The following EPS8 variants were observed in gnomAD, a reference collection of about 807,000 sequenced individuals.
The protein encoded by EPS8 is EGFR pathway substrate 8, signaling adaptor.
In EPS8, 42 loss-of-function variants were observed where a neutral mutation model predicts 103.8. The ratio of observed to expected loss-of-function variants is 0.40; its 90% CI spans 0.32 to 0.52. The LOEUF (loss-of-function observed/expected upper bound fraction) is 0.52, where lower values mean the gene tolerates loss of function less well. Among genes scored for constraint, EPS8 ranks in the 20% least tolerant of loss-of-function variants. The pLI is 0.40. For synonymous variants in EPS8, 344 were observed against 344.6 expected, an observed-to-expected ratio of 1.00 and a Z score of 0.02; for missense variants, 969 against 1,005.1, an observed-to-expected ratio of 0.96 and a Z score of 0.49.
At chr12:15,686,644 A>C (rs974859491) in intron 1 of EPS8, among the ~76,000 whole-genome samples, 36 of 152,324 alleles carry the variant, frequency 2.4e-4, no homozygotes, top group Non-Finnish European at 4.4e-4. Flanking sequence ...GACTAAGAAG[A>C]AATAAACAAG....
chr12:15,656,744 A>G (rs192453526), intron 12 of EPS8, among the ~76,000 whole-genome samples: 2 of 152,222 alleles, frequency 1.3e-5, no homozygotes, highest in East Asian at 3.9e-4. Context: ...ATACAACTCA[A>G]TTTTGATATG....
In EPS8 at chr12:15,748,130, C is replaced by T. The variant is rs1242183438; in HGVS notation, c.-22+41031G>A. ...CCAAGCCCCGCAACTTAATAACCCACAGTCAAATCTCAGAGCCTCTTATCC... is the reference window on the plus strand; with the variant it reads ...CCAAGCCCCGCAACTTAATAACCCATAGTCAAATCTCAGAGCCTCTTATCC... On this transcript the variant is annotated intron_variant, in intron 1 of 20. Coordinates refer to ENST00000281172, the MANE Select transcript of EPS8 (RefSeq NM_004447.6). The surrounding 1 kb of genome is among the most constrained non-coding windows in gnomAD (Gnocchi z 4.8). Among the ~76,000 whole-genome samples the T allele has an allele frequency of 1.3e-5, 2 of 152,152 alleles. No individual in the cohort carries two copies. Among genetic ancestry groups the T allele is most frequent in the Admixed American group, 6.5e-5 (1 of 15,272 alleles).
rs1044579645 is a variant in EPS8, at chr12:15,759,343, C to T, written c.-22+29818G>A. On this transcript the variant is annotated intron_variant, in intron 1 of 20. Transcript: ENST00000281172. This position sits in a 1 kb window ranked among gnomAD's most constrained non-coding sequence, Gnocchi z 4.9. ...TGAAGGCAACAATTAGCTATACTTC[C>T]ATAATTTTGATCTGATTCAACACAA... Among the ~76,000 whole-genome samples, 31 of 152,006 alleles carry T rather than the reference C, an allele frequency of 2.0e-4. No individual in the cohort carries two copies. Among genetic ancestry groups the T allele is most frequent in the Non-Finnish European group, 4.4e-4 (30 of 67,930 alleles).
chr12:15,725,091 T>C lies in EPS8; in HGVS notation c.-21-42119A>G, dbSNP rs996910899. Among the ~76,000 whole-genome samples, 1 of 152,128 alleles carries C rather than the reference T, an allele frequency of 6.6e-6. No homozygotes were observed. The highest frequency in any genetic ancestry group is 1.5e-5 in the Non-Finnish European group (1 of 68,018). ...TGTTAGGAAAAAAAAAAATCCACTT[T>C]CTTTTTCAAGGTAAATGTCATTCTG... On this transcript the variant is annotated intron_variant, in intron 1 of 20. Coordinates refer to ENST00000281172, the MANE Select transcript of EPS8 (RefSeq NM_004447.6). This position sits in a 1 kb window ranked among gnomAD's most constrained non-coding sequence, Gnocchi z 4.5.
At chr12:15,642,193 T>C (rs1452201666) in intron 15 of EPS8, among the ~76,000 whole-genome samples, 1 of 152,092 alleles carries the variant, frequency 6.6e-6, no homozygotes, top group Non-Finnish European at 1.5e-5. Context: ...GTATTTTTCA[T>C]AAAGTTAAAG....
intron 1 of EPS8, among the ~76,000 whole-genome samples, chr12:15,703,674 C>A (rs192978799): frequency 6.2e-4 from 94 of 151,176 alleles, no homozygotes; most frequent in Non-Finnish European, 1.2e-3. Context: ...TAAGGAGTAA[C>A]AATCATATTA....
chr12:15,766,257 C>T (rs1947094982), intron 1 of EPS8, among the ~76,000 whole-genome samples: 2 of 151,352 alleles, frequency 1.3e-5, no homozygotes, highest in Middle Eastern at 3.5e-3. Context: ...GCGGGTGGAT[C>T]ACCTGAGGTC....
rs1386269926 is a variant in EPS8, at chr12:15,640,720, A to G, written c.1804T>C (p.Tyr602His). The change falls in exon 17 of 21, where the codon TAT (tyrosine) becomes CAT (histidine). Residue 602 changes from tyrosine to histidine, a missense_variant. Coordinates refer to ENST00000281172, the MANE Select transcript of EPS8 (RefSeq NM_004447.6). ...ESGLGRADPP[Y>H]THTIQKQRME... is the part of the protein sequence containing the mutation. ...ATGCTCACCTGTATAGTATGAGTAT[A>G]AGGTGGATCAGCACGCCCCAATCCA... The G allele has an allele frequency of 2.5e-6, 4 of 1,613,922 alleles. No individual in the cohort carries two copies. The highest frequency in any genetic ancestry group is 3.4e-6 in the Non-Finnish European group (4 of 1,179,802).
rs770104501 is a variant in EPS8, at chr12:15,785,446, G to A, written c.-22+3715C>T. Among the ~76,000 whole-genome samples the A allele has an allele frequency of 6.6e-5, 10 of 152,138 alleles. No homozygotes were observed. Among genetic ancestry groups the A allele is most frequent in the African/African-American group, 1.2e-4 (5 of 41,456 alleles). ...AGGTTTCTTCTCACTGTTGGAGTAA[G>A]TTTACATATAAACAAAGGGAGAAGG... is the stretch of plus-strand genomic sequence containing the variant. On this transcript the variant is annotated intron_variant, in intron 1 of 20. Transcript: ENST00000281172. This position sits in a 1 kb window ranked among gnomAD's most constrained non-coding sequence, Gnocchi z 4.9.
chr12:15,689,135 C>CT (rs145792961), intron 1 of EPS8, among the ~76,000 whole-genome samples: 87 of 146,690 alleles, frequency 5.9e-4, no homozygotes, highest in South Asian at 1.5e-3. Flanking sequence ...ACTTATATCC[C>CT]TTTTTTTTTT....
rs1464171499 is a variant in EPS8 at position 15,725,488 on chromosome 12, AT to A, written c.-21-42517del. Among the ~76,000 whole-genome samples, 1 of 151,740 alleles carries A rather than the reference AT, an allele frequency of 6.6e-6. No homozygotes were observed. The highest frequency in any genetic ancestry group is 2.4e-5 in the African/African-American group (1 of 41,326). Reference sequence around the variant, plus strand: ...GAAAAAAACTAAAAAAAAAAAAAAAATCTGCATGGGTGTGCACATACATTTT... The same window carrying A: ...GAAAAAAACTAAAAAAAAAAAAAAAACTGCATGGGTGTGCACATACATTTT... On this transcript the variant is annotated intron_variant, in intron 1 of 20. Transcript: ENST00000281172. This position sits in a 1 kb window ranked among gnomAD's most constrained non-coding sequence, Gnocchi z 4.5.
intron 15 of EPS8, 46 bp downstream of exon 15, chr12:15,647,081 G>C (rs775533144): frequency 1.3e-6 from 2 of 1,577,566 alleles, no homozygotes; most frequent in South Asian, 1.2e-5. Flanking sequence ...CACTAGATCA[G>C]AGACATTTAT....
In EPS8 at chr12:15,681,258, T is replaced by C. The variant is rs71532816; in HGVS notation, c.104A>G (p.His35Arg). The C allele has an allele frequency of 9.4e-3, 14,721 of 1,566,758 alleles. 97 individuals are homozygous for C. Among genetic ancestry groups the C allele is most frequent in the Non-Finnish European group, 0.012 (13,686 of 1,151,084 alleles). Residue 35 changes from histidine (H) to arginine (R), a missense_variant, in exon 3 of 21, where the codon CAT (histidine) becomes CGT (arginine). By Grantham distance (29) the His-to-Arg change is conservative. Transcript: ENST00000281172. ...SPTFSQTDRE[H>R]GSKTSAKALY... ...GGCCTTTGCACTTGTTTTTGAACCA[T>C]GTTCTCTGTCCGTCTGGGAAAAGGT... is the stretch of plus-strand genomic sequence containing the variant.
At chr12:15,663,840 T>G (rs938895282) in intron 8 of EPS8, among the ~76,000 whole-genome samples, 1 of 148,254 alleles carries the variant, frequency 6.7e-6, no homozygotes, top group African/African-American at 2.5e-5. Context: ...GAGAATCGCT[T>G]GAACCAGGAG....
At chr12:15,658,892 G>A (rs1945554881) in intron 10 of EPS8, among the ~76,000 whole-genome samples, 1 of 152,110 alleles carries the variant, frequency 6.6e-6, no homozygotes, top group South Asian at 2.1e-4. Context: ...GGCCTTAAAA[G>A]CTAATAAAAT....
At chr12:15,642,563 A>G (rs1407810098) in intron 15 of EPS8, among the ~76,000 whole-genome samples, 2 of 152,298 alleles carry the variant, frequency 1.3e-5, no homozygotes, top group East Asian at 3.9e-4. Flanking sequence ...TTTATATGTA[A>G]CATAATACAC....
At chr12:15,650,115 C>A (rs1336810712) in intron 14 of EPS8, among the ~76,000 whole-genome samples, 2 of 152,270 alleles carry the variant, frequency 1.3e-5, no homozygotes, top group East Asian at 3.9e-4. Flanking sequence ...ATTTCATTCC[C>A]TCAACTTGAT....
chr12:15,766,622 G>A (rs1947101496), intron 1 of EPS8, among the ~76,000 whole-genome samples: 1 of 151,434 alleles, frequency 6.6e-6, no homozygotes, highest in African/African-American at 2.4e-5. Flanking sequence ...AGGTTGCAGT[G>A]AGCAGAGATC....
chr12:15,710,798 G>C (rs1289154107), intron 1 of EPS8, among the ~76,000 whole-genome samples: 1 of 152,052 alleles, frequency 6.6e-6, no homozygotes, highest in Non-Finnish European at 1.5e-5. Context: ...TGATCAAAAA[G>C]ACTACATGAT....
Sources: allele counts gnomAD v4.1 joint callset (sites outside exome capture counted in the v4.1 genomes callset), GRCh38; gene constraint gnomAD v4.1.1; non-coding constraint Gnocchi (gnomAD v3.1); transcripts MANE v1.5; gene names NCBI Gene and HGNC (gene_info 2026-07-23, HGNC 2026-07-21).